The following NIPAL2 variants were observed in gnomAD, a reference collection of about 807,000 sequenced individuals.
NIPAL2 encodes the protein NIPA-like protein 2.
In NIPAL2, 43 loss-of-function variants were observed where a neutral mutation model predicts 48.9. That is an observed-to-expected ratio of 0.88 (90% CI 0.69 to 1.13). The LOEUF is 1.13. Ranked by LOEUF, NIPAL2 falls within the 50% of genes most tolerant of loss-of-function variation. NIPAL2 has a pLI of 0.00. For missense variants in NIPAL2, 446 were observed against 461.4 expected (o/e 0.97, Z 0.31); for synonymous variants, 167 against 174.6 (o/e 0.96, Z 0.34).
chr8:98,233,144 G>T (rs2130783302), intron 4 of NIPAL2, among the ~76,000 whole-genome samples: 1 of 152,146 alleles, frequency 6.6e-6, no homozygotes, highest in South Asian at 2.1e-4. Flanking sequence ...TGTAATCCCA[G>T]CTACTTGGGA....
chr8:98,199,648 A>G (rs996513974), intron 8 of NIPAL2, among the ~76,000 whole-genome samples: 1 of 152,172 alleles, frequency 6.6e-6, no homozygotes, highest in African/African-American at 2.4e-5. Flanking sequence ...CTGATCACAG[A>G]TCACCGTAAC....
At chr8:98,269,163 G>A (rs1814970040) in intron 1 of NIPAL2, among the ~76,000 whole-genome samples, 2 of 152,088 alleles carry the variant, frequency 1.3e-5, no homozygotes, top group African/African-American at 2.4e-5. Context: ...AGTCAACCAC[G>A]AGGGTTGGAA....
intron 5 of NIPAL2, among the ~76,000 whole-genome samples, chr8:98,213,733 C>T (rs1811434305): frequency 6.6e-6 from 1 of 152,164 alleles, no homozygotes; most frequent in Non-Finnish European, 1.5e-5. Context: ...CCAAGTCACT[C>T]AGCTCACAGG....
At chr8:98,236,676 C>T (rs1292477411) in intron 3 of NIPAL2, among the ~76,000 whole-genome samples, 1 of 151,722 alleles carries the variant, frequency 6.6e-6, no homozygotes, top group Non-Finnish European at 1.5e-5. Flanking sequence ...TAGTGAAACA[C>T]CCCATCTCTA....
intron 6 of NIPAL2, among the ~76,000 whole-genome samples, chr8:98,211,733 A>AAGTGTGT (rs1271888062): frequency 0.06 from 6,571 of 109,038 alleles, 252 homozygotes; most frequent in South Asian, 0.1. Context: ...AGAGAGAGAA[A>AAGTGTGT]GTGTGTGTGT....
In NIPAL2 at chr8:98,192,912, T is replaced by G; in HGVS notation, c.*66A>C. Reference sequence around the variant, plus strand: ...TTATAAAAGAGCTGCTGACACAAATTGAACATGTGCAATTTTTTAAAAAGG... The same window carrying G: ...TTATAAAAGAGCTGCTGACACAAATGGAACATGTGCAATTTTTTAAAAAGG... On this transcript the variant is annotated 3_prime_UTR_variant, in exon 11 of 11. Transcript: ENST00000430223. 1 of 964,886 alleles carries G rather than the reference T, an allele frequency of 1.0e-6. No individual in the cohort carries two copies. The highest frequency in any genetic ancestry group is 2.4e-5 in the East Asian group (1 of 41,634). 59.8% of individuals were successfully genotyped at this position (964,886 alleles called of 1,614,324 possible). A position where few individuals can be genotyped will look rare whatever the true frequency, so the allele number is the denominator to read the frequency against.
intron 4 of NIPAL2, among the ~76,000 whole-genome samples, chr8:98,233,470 A>G (rs1294260392): frequency 6.6e-6 from 1 of 152,030 alleles, no homozygotes; most frequent in Non-Finnish European, 1.5e-5. Context: ...AAAGCTTTGC[A>G]TTTTTCAAAG....
chr8:98,217,162 A>G (rs909520547), intron 5 of NIPAL2: 3 of 985,336 alleles, frequency 3.0e-6, no homozygotes, highest in African/African-American at 1.7e-5. Context: ...TCTGGCTGGT[A>G]TACACTGGGC....
At position 98,192,813 on chromosome 8, in the gene NIPAL2, C is replaced by T; in HGVS notation, c.*165G>A. 1.6e-6 allele frequency: 1 copy of T among 613,832 alleles called. No homozygotes were observed. Among genetic ancestry groups the T allele is most frequent in the Non-Finnish European group, 2.9e-6 (1 of 344,192 alleles). 38.0% of individuals were successfully genotyped at this position (613,832 alleles called of 1,614,324 possible). On this transcript the variant is annotated 3_prime_UTR_variant, in exon 11 of 11. Coordinates refer to ENST00000430223, the MANE Select transcript of NIPAL2 (RefSeq NM_001321635.2). ...CCATGGAAATATTAGACTGTCAGAG[C>T]TTAGGAAGTCCCCGATTGTCCATAG...
chr8:98,253,288 T>C (rs910700251), intron 2 of NIPAL2, among the ~76,000 whole-genome samples: 6 of 152,188 alleles, frequency 3.9e-5, no homozygotes, highest in Non-Finnish European at 8.8e-5. Flanking sequence ...ACTGGGAGTC[T>C]TGCAATGCAT....
chr8:98,270,972 CT>C (rs1247309269), intron 1 of NIPAL2, among the ~76,000 whole-genome samples: 3 of 151,906 alleles, frequency 2.0e-5, no homozygotes, highest in Admixed American at 6.6e-5. Flanking sequence ...TTCTCCATTG[CT>C]TTTGTCGACT....
chr8:98,227,194 G>A (rs1812220384), intron 4 of NIPAL2, among the ~76,000 whole-genome samples: 1 of 152,110 alleles, frequency 6.6e-6, no homozygotes, highest in African/African-American at 2.4e-5. Flanking sequence ...TGCCATCTAA[G>A]AGTCAAGACC....
intron 1 of NIPAL2, among the ~76,000 whole-genome samples, chr8:98,275,547 A>G (rs187881118): frequency 9.5e-4 from 145 of 152,338 alleles, no homozygotes; most frequent in Non-Finnish European, 1.7e-3. Context: ...TGTTTTGAAC[A>G]AAGCTTCTAT....
At chr8:98,225,888 G>A (rs575308638) in intron 4 of NIPAL2, among the ~76,000 whole-genome samples, 3 of 151,856 alleles carry the variant, frequency 2.0e-5, no homozygotes, top group South Asian at 4.2e-4. Flanking sequence ...TCTTGTAAGC[G>A]TGTTCCATTC....
chr8:98,212,608 T>C, intron 5 of NIPAL2, 107 bp from the exon 6 acceptor site: 1 of 615,696 alleles, frequency 1.6e-6, no homozygotes, highest in Non-Finnish European at 2.9e-6. Flanking sequence ...GCGTTGAGGG[T>C]GACTGAGGTT....
Position 98,192,769 on chromosome 8 carries a change from G to T in NIPAL2, c.*209C>A, listed in dbSNP as rs759252900. 115 of 582,906 alleles carry T rather than the reference G, an allele frequency of 2.0e-4. No individual in the cohort carries two copies. Among genetic ancestry groups the T allele is most frequent in the Middle Eastern group, 8.8e-4 (2 of 2,272 alleles). The allele number at this position is 582,906 out of a possible 1,614,324, so 36.1% of individuals were successfully genotyped here. A position where few individuals can be genotyped will look rare whatever the true frequency, so the allele number is the denominator to read the frequency against. On this transcript the variant is annotated 3_prime_UTR_variant, in exon 11 of 11. Transcript: ENST00000430223. ...ACTAGGGAGAGGTCCAGGGTGTGGG[G>T]AACACTCCAAATCACATTCCATGGA...
intron 6 of NIPAL2, among the ~76,000 whole-genome samples, chr8:98,209,048 C>T (rs903298199): frequency 2.6e-5 from 4 of 152,156 alleles, no homozygotes; most frequent in African/African-American, 9.7e-5. Context: ...ATTTCACCAA[C>T]AAGTTCTTTA....
At chr8:98,220,393 A>G (rs1413315665) in intron 5 of NIPAL2, among the ~76,000 whole-genome samples, 1 of 151,370 alleles carries the variant, frequency 6.6e-6, no homozygotes, top group Non-Finnish European at 1.5e-5. Flanking sequence ...AAAATGTATA[A>G]TTCTGTGTGC....
intron 3 of NIPAL2, among the ~76,000 whole-genome samples, chr8:98,244,814 A>G (rs538285492): frequency 6.6e-6 from 1 of 152,344 alleles, no homozygotes; most frequent in South Asian, 2.1e-4. Context: ...GAAATTAATT[A>G]GTATTCTTTA....
Sources: allele counts gnomAD v4.1 joint callset (sites outside exome capture counted in the v4.1 genomes callset), GRCh38; gene constraint gnomAD v4.1.1; transcripts MANE v1.5; gene names NCBI Gene and HGNC (gene_info 2026-07-23, HGNC 2026-07-21).